The following PALS2 variants were observed in gnomAD, a reference collection of about 807,000 sequenced individuals.
PALS2 encodes the protein protein PALS2.
A neutral mutation model predicts 61.6 loss-of-function variants in PALS2; 27 were observed. The ratio of observed to expected loss-of-function variants is 0.44; its 90% CI spans 0.32 to 0.60. The LOEUF is 0.60. PALS2 is among the 20% of genes least tolerant of loss of function. The pLI is 0.05. For synonymous variants in PALS2, 236 were observed against 218.6 expected (o/e 1.08, Z -0.70); for missense variants, 554 against 639.4 (o/e 0.87, Z 1.44).
rs1421580946 is a variant in PALS2, at chr7:24,689,845, A to G, written c.*2231A>G. 6.6e-6 allele frequency: 1 copy of G among 152,172 alleles called. No homozygotes were observed. Among genetic ancestry groups the G allele is most frequent in the African/African-American group, 2.4e-5 (1 of 41,456 alleles). The allele number at this position is 152,172 out of a possible 1,614,324, so 9.4% of individuals were successfully genotyped here. A position where few individuals can be genotyped will look rare whatever the true frequency, so the allele number is the denominator to read the frequency against. The stretch of plus-strand genomic sequence containing the variant: ...GAGAAATTTCAGTTCTTCACTCAGG[A>G]AATGTGCTGTATTCTCTAATGTACT... On this transcript the variant is annotated 3_prime_UTR_variant, in exon 12 of 12. Coordinates refer to ENST00000222644, the MANE Select transcript of PALS2 (RefSeq NM_001303037.2).
intron 2 of PALS2, among the ~76,000 whole-genome samples, chr7:24,626,637 CAT>C (rs924126194): frequency 2.2e-4 from 34 of 152,204 alleles, no homozygotes; most frequent in Admixed American, 1.0e-3. Context: ...AGACACATCT[CAT>C]GTGCAGTGAC....
In PALS2 at chr7:24,692,477, A is replaced by T. The variant is rs938878146; in HGVS notation, c.*4863A>T. On this transcript the variant is annotated 3_prime_UTR_variant, in exon 12 of 12. Coordinates refer to ENST00000222644, the MANE Select transcript of PALS2 (RefSeq NM_001303037.2). Reference sequence around the variant, plus strand: ...TGATATGGTGAACTGAAAAATCCTTATTAGGCTACTTTATCTGTTCTCTTT... The same window carrying T: ...TGATATGGTGAACTGAAAAATCCTTTTTAGGCTACTTTATCTGTTCTCTTT... 1 of 152,148 alleles carries T rather than the reference A, an allele frequency of 6.6e-6. No individual in the cohort carries two copies. Among genetic ancestry groups the T allele is most frequent in the Non-Finnish European group, 1.5e-5 (1 of 67,996 alleles). 9.4% of individuals were successfully genotyped at this position (152,148 alleles called of 1,614,324 possible). A position where few individuals can be genotyped will look rare whatever the true frequency, so the allele number is the denominator to read the frequency against.
intron 1 of PALS2, among the ~76,000 whole-genome samples, chr7:24,582,722 T>G (rs1782891801): frequency 6.6e-6 from 1 of 151,880 alleles, no homozygotes; most frequent in Non-Finnish European, 1.5e-5. Context: ...TTATTCCTCT[T>G]TTAATATCCT....
At position 24,689,487 on chromosome 7, in the gene PALS2, G is replaced by A. The variant is rs1788368393; in HGVS notation, c.*1873G>A. 1 of 151,998 alleles carries A rather than the reference G, an allele frequency of 6.6e-6. No individual in the cohort carries two copies. Among genetic ancestry groups the A allele is most frequent in the South Asian group, 2.1e-4 (1 of 4,814 alleles). The allele number at this position is 151,998 out of a possible 1,614,324, so 9.4% of individuals were successfully genotyped here. On this transcript the variant is annotated 3_prime_UTR_variant, in exon 12 of 12. Transcript: ENST00000222644. The stretch of plus-strand genomic sequence containing the variant: ...AAGGAAAAGAAAATATATGACAATA[G>A]GCAGTATTGACACATTGTTTAAAAT...
intron 1 of PALS2, among the ~76,000 whole-genome samples, chr7:24,577,095 C>T (rs560864732): frequency 6.6e-6 from 1 of 152,164 alleles, no homozygotes; most frequent in East Asian, 1.9e-4. Context: ...TATGACCTTC[C>T]TTAATTATGA....
intron 11 of PALS2, among the ~76,000 whole-genome samples, chr7:24,683,694 C>T (rs1235731589): frequency 6.6e-6 from 1 of 152,136 alleles, no homozygotes; most frequent in Non-Finnish European, 1.5e-5. Flanking sequence ...ATAATACTAA[C>T]AGTGCCCATT....
At position 24,663,736 on chromosome 7, in the gene PALS2, C is replaced by T. The variant is rs182838814; in HGVS notation, c.783+15C>T. 1.0e-5 allele frequency: 16 copies of T among 1,601,836 alleles called. No individual in the cohort carries two copies. The African/African-American group carries it at 2.1e-4, about 22-fold the overall frequency. On this transcript the variant is annotated intron_variant, in intron 6 of 11. Transcript: ENST00000222644. ...ATTGGTGGCAGGTTAGTATGCTTCT[C>T]AGAAGTTCCTCAGCTACTTTTCTAA...
chr7:24,657,969 C>T (rs2128083211), intron 5 of PALS2, among the ~76,000 whole-genome samples: 1 of 152,104 alleles, frequency 6.6e-6, no homozygotes, highest in Middle Eastern at 3.4e-3. Flanking sequence ...TTTCTTTCAT[C>T]AAATTTAGAA....
intron 1 of PALS2, among the ~76,000 whole-genome samples, chr7:24,619,249 CTT>C (rs533711156): frequency 8.6e-5 from 13 of 152,032 alleles, no homozygotes; most frequent in Admixed American, 6.5e-4. Flanking sequence ...GTTTTCCTCT[CTT>C]TTTATTTGGT....
At chr7:24,646,746 A>G (rs1785851296) in intron 3 of PALS2, among the ~76,000 whole-genome samples, 1 of 152,200 alleles carries the variant, frequency 6.6e-6, no homozygotes, top group Non-Finnish European at 1.5e-5. Flanking sequence ...TTATTTGTAC[A>G]TCTGATAGCA....
intron 1 of PALS2, among the ~76,000 whole-genome samples, chr7:24,614,167 T>C (rs60597892): frequency 0.058 from 8,793 of 151,966 alleles, 287 homozygotes; most frequent in African/African-American, 0.075. Flanking sequence ...ATCTCCCTAC[T>C]GTCCTCCATT....
At chr7:24,608,703 G>C (rs1203205941) in intron 1 of PALS2, among the ~76,000 whole-genome samples, 1 of 152,160 alleles carries the variant, frequency 6.6e-6, no homozygotes, top group Non-Finnish European at 1.5e-5. Context: ...TTTGGCTCAA[G>C]TGATTCTGCT....
Position 24,687,334 on chromosome 7 carries a change from C to A in PALS2, c.1447-104C>A. ...ATTTTGAAGATTAATACCAGAATTA[C>A]CAGAAATATATCTAACCTATTTATT... On this transcript the variant is annotated intron_variant, in intron 11 of 11. Transcript: ENST00000222644. This position sits in a 1 kb window ranked among gnomAD's most constrained non-coding sequence, Gnocchi z 4.5. 1.2e-6 allele frequency: 1 copy of A among 852,556 alleles called. No individual in the cohort carries two copies. Among genetic ancestry groups the A allele is most frequent in the South Asian group, 1.6e-5 (1 of 61,296 alleles). 52.8% of individuals were successfully genotyped at this position (852,556 alleles called of 1,614,324 possible).
At chr7:24,632,604 G>A (rs13233475) in intron 2 of PALS2, among the ~76,000 whole-genome samples, 9,147 of 152,148 alleles carry the variant, frequency 0.06, 626 homozygotes, top group East Asian at 0.34. Context: ...GGCCAGGGTG[G>A]TCTCAATCTC....
At chr7:24,667,997 G>A (rs1787118001) in intron 8 of PALS2, among the ~76,000 whole-genome samples, 1 of 151,760 alleles carries the variant, frequency 6.6e-6, no homozygotes, top group East Asian at 1.9e-4. Flanking sequence ...GCAAATGGAT[G>A]GAACCAGATG....
In PALS2 at chr7:24,665,580, GATTCTAGGCTAGCCATGT is replaced by G; in HGVS notation, c.784-6_795del. ...ACTGAGATGTACAATTCATTAATTT[GATTCTAGGCTAGCCATGT>G]AAAAGAGGGAGGAAGCGCTGGTCTC... On this transcript the variant is annotated splice_acceptor_variant and splice_polypyrimidine_tract_variant and coding_sequence_variant and intron_variant, in exon 7 of 12. Transcript: ENST00000222644. LOFTEE classifies it high-confidence loss of function. 6.2e-7 allele frequency: 1 copy of G among 1,612,790 alleles called. No homozygotes were observed. Among genetic ancestry groups the G allele is most frequent in the East Asian group, 2.2e-5 (1 of 44,846 alleles).
chr7:24,688,879 T>A lies in PALS2; in HGVS notation c.*1265T>A, dbSNP rs910339864. The A allele has an allele frequency of 2.0e-5, 3 of 152,116 alleles. No individual in the cohort carries two copies. Among genetic ancestry groups the A allele is most frequent in the African/African-American group, 7.2e-5 (3 of 41,426 alleles). The allele number at this position is 152,116 out of a possible 1,614,324, so 9.4% of individuals were successfully genotyped here. ...CCCATGCTGGAGTACAGTGGCGCGA[T>A]CTCAGCCCGCTGCAACCTCTGCCTC... On this transcript the variant is annotated 3_prime_UTR_variant, in exon 12 of 12. Coordinates refer to ENST00000222644, the MANE Select transcript of PALS2 (RefSeq NM_001303037.2).
At position 24,683,424 on chromosome 7, in the gene PALS2, T is replaced by C. The variant is rs184813362; in HGVS notation, c.1446+2904T>C. On this transcript the variant is annotated intron_variant, in intron 11 of 11. Transcript: ENST00000222644. Reference sequence around the variant, plus strand: ...TCATGAGCACGTATGTTCAAACTTATCTGGTGTGCTTTATTCTGTTGCAGT... The same window carrying C: ...TCATGAGCACGTATGTTCAAACTTACCTGGTGTGCTTTATTCTGTTGCAGT... 1.1e-4 allele frequency among the ~76,000 whole-genome samples: 17 copies of C among 152,312 alleles called. No homozygotes were observed. In the East Asian group the frequency reaches 2.3e-3, roughly 21 times the overall value.
At chr7:24,653,295 A>G (rs1307339451) in intron 5 of PALS2, among the ~76,000 whole-genome samples, 1 of 152,166 alleles carries the variant, frequency 6.6e-6, no homozygotes, top group Non-Finnish European at 1.5e-5. Context: ...TACCAGATGA[A>G]AAGAGAATAA....
Sources: allele counts gnomAD v4.1 joint callset (sites outside exome capture counted in the v4.1 genomes callset), GRCh38; gene constraint gnomAD v4.1.1; non-coding constraint Gnocchi (gnomAD v3.1); transcripts MANE v1.5; gene names NCBI Gene and HGNC (gene_info 2026-07-23, HGNC 2026-07-21).